DLC1: variants seen among roughly 807,000 people sequenced by gnomAD.
DLC1 encodes the protein DLC1 Rho GTPase activating protein, also known as rho GTPase-activating protein 7.
DLC1 carries 54 observed loss-of-function variants against 140.3 expected under a neutral mutation model. That is an observed-to-expected ratio of 0.38 (90% CI 0.31 to 0.48). DLC1 has a LOEUF of 0.48. Among genes scored for constraint, DLC1 ranks in the 20% least tolerant of loss-of-function variants. The pLI, the probability that DLC1 is intolerant of heterozygous loss-of-function variation, is 0.96. For missense variants in DLC1, 2,536 were observed against 1,907.0 expected (o/e 1.33, Z -6.14); for synonymous variants, 986 against 728.1 (o/e 1.35, Z -5.70).
At chr8:13,588,376 G>A (rs929261162) in intron 1 of DLC1, among the ~76,000 whole-genome samples, 1 of 152,028 alleles carries the variant, frequency 6.6e-6, no homozygotes, top group African/African-American at 2.4e-5. Flanking sequence ...TTTTGAATTT[G>A]GTGTATGACA....
At chr8:13,288,982 G>A (rs11986619) in intron 5 of DLC1, among the ~76,000 whole-genome samples, 14,814 of 152,090 alleles carry the variant, frequency 0.097, 836 homozygotes, top group South Asian at 0.16. Flanking sequence ...TGTTACTTGG[G>A]CCATTTTTAG....
intron 1 of DLC1, chr8:13,558,810 G>A (rs957004441): frequency 1.3e-5 from 2 of 152,120 alleles, no homozygotes; most frequent in Non-Finnish European, 2.9e-5. Flanking sequence ...TTCTTAGAAT[G>A]TTAACTGTAT....
In DLC1 at chr8:13,583,361, A is replaced by G. The variant is rs150046729; in HGVS notation, c.-126+21176T>C. On this transcript the variant is annotated intron_variant, in intron 1 of 1. Transcript: ENST00000631382. ...CATCAGGAGTAGATTTCATCTCAAGAAGCCGCTTTCTTTGCTCATCCATAA... is the reference window on the plus strand; with the variant it reads ...CATCAGGAGTAGATTTCATCTCAAGGAGCCGCTTTCTTTGCTCATCCATAA... Among the ~76,000 whole-genome samples, 24 of 152,306 alleles carry G rather than the reference A, an allele frequency of 1.6e-4. No individual in the cohort carries two copies. The East Asian group carries it at 4.3e-3, about 27-fold the overall frequency.
chr8:13,099,153 C>A (rs1311794006), intron 9 of DLC1, among the ~76,000 whole-genome samples, 194 bp downstream of exon 9: 1 of 152,130 alleles, frequency 6.6e-6, no homozygotes, highest in Non-Finnish European at 1.5e-5. Context: ...TCATCTTCCC[C>A]AACCGGAACT....
chr8:13,448,332 G>T (rs971403074), intron 2 of DLC1, among the ~76,000 whole-genome samples: 3 of 151,164 alleles, frequency 2.0e-5, no homozygotes, highest in African/African-American at 7.3e-5. Flanking sequence ...CTTCTTTGCT[G>T]TATCTTTTAA....
chr8:13,491,604 T>C (rs1801247146), intron 2 of DLC1, among the ~76,000 whole-genome samples: 1 of 152,206 alleles, frequency 6.6e-6, no homozygotes, highest in African/African-American at 2.4e-5. Flanking sequence ...TTACTACTCA[T>C]CGTTTGCTAT....
rs1214636359 is a variant in DLC1, at chr8:13,084,303, C to T, written c.*1508G>A. On this transcript the variant is annotated 3_prime_UTR_variant, in exon 18 of 18. Coordinates refer to ENST00000276297, the MANE Select transcript of DLC1 (RefSeq NM_182643.3). ...CAAATTTTAAAACTCTAATCTGATG[C>T]CCTGCCCCAAAATTCTTCAAAGAAC... The T allele has an allele frequency of 6.6e-6, 1 of 152,500 alleles. No individual in the cohort carries two copies. Among genetic ancestry groups the T allele is most frequent in the Admixed American group, 6.6e-5 (1 of 15,260 alleles). 9.4% of individuals were successfully genotyped at this position (152,500 alleles called of 1,614,324 possible).
chr8:13,590,693 G>A (rs1037137419), intron 1 of DLC1, among the ~76,000 whole-genome samples: 5 of 151,950 alleles, frequency 3.3e-5, no homozygotes, highest in African/African-American at 1.2e-4. Context: ...AAAATTTGCA[G>A]TTTATATTTG....
At chr8:13,460,136 C>T (rs1265178277) in intron 2 of DLC1, among the ~76,000 whole-genome samples, 1 of 152,210 alleles carries the variant, frequency 6.6e-6, no homozygotes, top group Non-Finnish European at 1.5e-5. Context: ...CACATGAGCA[C>T]ATGAATCCTT....
At chr8:13,253,682 T>G (rs1399473965) in intron 5 of DLC1, among the ~76,000 whole-genome samples, 1 of 152,230 alleles carries the variant, frequency 6.6e-6, no homozygotes, top group African/African-American at 2.4e-5. Context: ...TCTTAGCAAG[T>G]CCTGGAGCCT....
At chr8:13,229,504 T>A (rs1287321722) in intron 5 of DLC1, among the ~76,000 whole-genome samples, 1 of 152,168 alleles carries the variant, frequency 6.6e-6, no homozygotes, top group East Asian at 1.9e-4. Flanking sequence ...GTGATGAAAA[T>A]GTCCTAAAAT....
chr8:13,297,443 C>T (rs955413948), intron 5 of DLC1, among the ~76,000 whole-genome samples: 6 of 151,860 alleles, frequency 4.0e-5, no homozygotes, highest in African/African-American at 1.5e-4. Flanking sequence ...CCCCATAAAA[C>T]AGCTGGGGGT....
At chr8:13,359,133 G>T (rs1835093511) in intron 4 of DLC1, among the ~76,000 whole-genome samples, 1 of 152,146 alleles carries the variant, frequency 6.6e-6, no homozygotes, top group Non-Finnish European at 1.5e-5. Flanking sequence ...TAGAGATGGG[G>T]TTTCACCGTG....
At chr8:13,308,813 T>A (rs897492059) in intron 4 of DLC1, among the ~76,000 whole-genome samples, 3 of 152,174 alleles carry the variant, frequency 2.0e-5, no homozygotes, top group African/African-American at 7.2e-5. Flanking sequence ...TTCTTGGGCG[T>A]GAAACCCTTG....
chr8:13,411,246 A>G (rs1299935166), intron 2 of DLC1, among the ~76,000 whole-genome samples: 6 of 152,248 alleles, frequency 3.9e-5, no homozygotes. Flanking sequence ...CAAATGAGCT[A>G]TCACACCATG....
chr8:13,524,187 G>C (rs902577490), intron 1 of DLC1, among the ~76,000 whole-genome samples: 3 of 149,794 alleles, frequency 2.0e-5, no homozygotes, highest in African/African-American at 7.3e-5. Context: ...GCCCAGGCTG[G>C]AGTGCAGTGG....
intron 4 of DLC1, among the ~76,000 whole-genome samples, chr8:13,345,075 C>A (rs1834264322): frequency 6.6e-6 from 1 of 152,092 alleles, no homozygotes; most frequent in Admixed American, 6.6e-5. Flanking sequence ...TTCCCTGGCC[C>A]CGCCACACAC....
intron 1 of DLC1, chr8:13,583,862 A>T (rs35240065): frequency 0.2 from 30,674 of 152,216 alleles, 3,652 homozygotes; most frequent in Non-Finnish European, 0.25. Context: ...GTAACCACCC[A>T]CCCGAGGAGC....
chr8:13,369,611 T>C (rs1835641985), intron 4 of DLC1, among the ~76,000 whole-genome samples: 2 of 152,158 alleles, frequency 1.3e-5, no homozygotes, highest in Non-Finnish European at 2.9e-5. Flanking sequence ...TTATGGACAA[T>C]GTTCAATTCA....
Sources: gnomAD v4.1 joint callset for allele counts (sites outside exome capture counted in the v4.1 genomes callset) on GRCh38, gnomAD v4.1.1 for gene constraint, MANE v1.5 for transcripts, NCBI Gene and HGNC (gene_info 2026-07-23, HGNC 2026-07-21) for gene names.